SEPSECS: variants seen among roughly 807,000 people sequenced by gnomAD.
SEPSECS encodes Sep (O-phosphoserine) tRNA:Sec (selenocysteine) tRNA synthase.
A neutral mutation model predicts 52.1 loss-of-function variants in SEPSECS; 42 were observed. The ratio of observed to expected loss-of-function variants is 0.81; its 90% CI spans 0.63 to 1.04. The LOEUF is 1.04. Ranked by LOEUF, SEPSECS falls within the 50% of genes least tolerant of loss-of-function variation. SEPSECS has a pLI of 0.00. For synonymous variants in SEPSECS, 216 were observed against 211.4 expected, an observed-to-expected ratio of 1.02 and a Z score of -0.19; for missense variants, 590 against 610.6, an observed-to-expected ratio of 0.97 and a Z score of 0.36.
intron 8 of SEPSECS, among the ~76,000 whole-genome samples, chr4:25,140,745 G>A (rs1192134560): frequency 6.6e-6 from 1 of 152,094 alleles, no homozygotes; most frequent in East Asian, 1.9e-4. Flanking sequence ...TGTTAAGAAT[G>A]ATTTTTACAT....
At chr4:25,128,173 G>T (rs893155434) in intron 8 of SEPSECS, among the ~76,000 whole-genome samples, 1 of 151,998 alleles carries the variant, frequency 6.6e-6, no homozygotes, top group African/African-American at 2.4e-5. Flanking sequence ...AATGAATATT[G>T]CCTATTACTA....
intron 10 of SEPSECS, 129 bp from the exon 11 acceptor site, chr4:25,124,354 T>C (rs1728272972): frequency 1.6e-5 from 13 of 804,712 alleles, no homozygotes; most frequent in Middle Eastern, 6.0e-4. Context: ...CCACAAATCA[T>C]GGCCTACAAA....
chr4:25,128,015 G>A (rs2109487069), intron 8 of SEPSECS, among the ~76,000 whole-genome samples: 1 of 152,184 alleles, frequency 6.6e-6, no homozygotes, highest in South Asian at 2.1e-4. Context: ...AAATGCTAAA[G>A]ACACCTTCCT....
intron 1 of SEPSECS, 56 bp from the exon 2 acceptor site, chr4:25,159,163 A>G (rs1215468374): frequency 1.5e-5 from 20 of 1,370,176 alleles, no homozygotes; most frequent in Non-Finnish European, 2.0e-5. Context: ...GTTCTCTAGA[A>G]TACTACAGGA....
intron 2 of SEPSECS, among the ~76,000 whole-genome samples, 192 bp from the exon 3 acceptor site, chr4:25,157,166 G>A (rs980249432): frequency 3.9e-5 from 6 of 152,174 alleles, no homozygotes; most frequent in Non-Finnish European, 8.8e-5. Flanking sequence ...ATTATGCTGT[G>A]ATAGCTAGTT....
chr4:25,143,320 G>A (rs1054166360), intron 8 of SEPSECS, among the ~76,000 whole-genome samples: 3 of 152,044 alleles, frequency 2.0e-5, no homozygotes, highest in African/African-American at 4.8e-5. Context: ...GACATGAAAC[G>A]TTTCATCACC....
chr4:25,151,883 G>A, intron 6 of SEPSECS, 77 bp downstream of exon 6: 2 of 834,644 alleles, frequency 2.4e-6, no homozygotes, highest in Non-Finnish European at 4.2e-6. Flanking sequence ...ATATCAGATT[G>A]TAAGAAAAAG....
chr4:25,144,072 G>A (rs1452904701), intron 8 of SEPSECS, among the ~76,000 whole-genome samples: 3 of 151,680 alleles, frequency 2.0e-5, no homozygotes, highest in Admixed American at 6.6e-5. Context: ...CAGGCGTGGT[G>A]GGTAACGTCT....
rs563237574 is a variant in SEPSECS, at chr4:25,144,626, C to G, written c.1026+148G>C. On this transcript the variant is annotated intron_variant, in intron 8 of 10. Transcript: ENST00000382103. ...CTGACAAAAAGTAATAGGAAACCAC[C>G]TATGGTGGTTCCAGATCTGAATAAA... is the stretch of plus-strand genomic sequence containing the variant. 1.3e-5 allele frequency: 8 copies of G among 633,748 alleles called. No homozygotes were observed. The African/African-American group carries it at 1.5e-4, about 12-fold the overall frequency. 39.3% of individuals were successfully genotyped at this position (633,748 alleles called of 1,614,324 possible). A position where few individuals can be genotyped will look rare whatever the true frequency, so the allele number is the denominator to read the frequency against.
chr4:25,123,953 G>A lies in SEPSECS; in HGVS notation c.1484C>T (p.Thr495Ile), dbSNP rs745781240. 1.4e-5 allele frequency: 22 copies of A among 1,613,268 alleles called. No homozygotes were observed. The highest frequency in any genetic ancestry group is 1.3e-5 in the Non-Finnish European group (15 of 1,179,424). ...ALKLDNVLLD[T>I]YQDASS ...ATGTCATGAAGAAGCATCCTGGTAT[G>A]TGTCAAGAAGTACATTATCTAGTTT... Residue 495 changes from threonine to isoleucine, a missense_variant, in exon 11 of 11, where the codon ACA becomes ATA. Coordinates refer to ENST00000382103, the MANE Select transcript of SEPSECS (RefSeq NM_016955.4).
chr4:25,143,357 C>A (rs1293805745), intron 8 of SEPSECS, among the ~76,000 whole-genome samples: 1 of 152,166 alleles, frequency 6.6e-6, no homozygotes, highest in Non-Finnish European at 1.5e-5. Context: ...CCAATCCCTA[C>A]CCTTTAGCAA....
rs541713454 is a variant in SEPSECS, at chr4:25,156,663, G to A, written c.388+193C>T. Among the ~76,000 whole-genome samples, 8 of 128,262 alleles carry A rather than the reference G, an allele frequency of 6.2e-5. No homozygotes were observed. In the South Asian group the frequency reaches 7.6e-4, roughly 12 times the overall value. The allele number at this position is 128,262 out of a possible 152,430, so 84.1% of individuals were successfully genotyped here. ...ACGGAGCTTGCAGTGAGCCGAGATC[G>A]CGCCACTGCATTCCAGCCTGGGCAA... On this transcript the variant is annotated intron_variant, in intron 3 of 10. Transcript: ENST00000382103.
intron 8 of SEPSECS, among the ~76,000 whole-genome samples, chr4:25,132,895 T>A (rs908679882): frequency 6.6e-6 from 1 of 152,172 alleles, no homozygotes; most frequent in African/African-American, 2.4e-5. Flanking sequence ...GACTTTAGCA[T>A]CACACAGACC....
Position 25,124,206 on chromosome 4 carries a change from T to C in SEPSECS, c.1231A>G (p.Met411Val), listed in dbSNP as rs1285688043. ...AAAGTATAGCCACTCACAGTTTGCATGGACCCAAGAGGCACAACCCTGAAA... is the reference window on the plus strand; with the variant it reads ...AAAGTATAGCCACTCACAGTTTGCACGGACCCAAGAGGCACAACCCTGAAA... ...SGARVVPLGS[M>V]QTVSGYTFRG... The change falls in exon 11 of 11, where the codon ATG (methionine) becomes GTG (valine). Residue 411 changes from methionine (M) to valine (V), a missense_variant. Physicochemically the swap from Met to Val is conservative, Grantham distance 21. Transcript: ENST00000382103. 1 of 1,613,452 alleles carries C rather than the reference T, an allele frequency of 6.2e-7. No homozygotes were observed. The highest frequency in any genetic ancestry group is 1.1e-5 in the South Asian group (1 of 91,056).
At position 25,158,735 on chromosome 4, in the gene SEPSECS, C is replaced by A. The variant is rs191280650; in HGVS notation, c.269+218G>T. ...AGTCACCCAGAACCTGACAGGGTAA[C>A]CCCCACTTAGTTTTTACTCTATTGT... is the stretch of plus-strand genomic sequence containing the variant. On this transcript the variant is annotated intron_variant, in intron 2 of 10. Transcript: ENST00000382103. Among the ~76,000 whole-genome samples, 3 of 152,280 alleles carry A rather than the reference C, an allele frequency of 2.0e-5. No homozygotes were observed. In the East Asian group the frequency reaches 5.8e-4, roughly 29 times the overall value.
chr4:25,150,450 C>T lies in SEPSECS; in HGVS notation c.804+1510G>A, dbSNP rs1323519151. 2.6e-5 allele frequency among the ~76,000 whole-genome samples: 4 copies of T among 152,108 alleles called. No individual in the cohort carries two copies. In the South Asian group the frequency reaches 6.2e-4, roughly 24 times the overall value. ...GCAGTGAACAAAACAAAGTTCTACC[C>T]CAACAGAACCTTAATTCTAATCACT... On this transcript the variant is annotated intron_variant, in intron 6 of 10. Transcript: ENST00000382103.
intron 8 of SEPSECS, among the ~76,000 whole-genome samples, chr4:25,128,574 G>A: frequency 6.6e-6 from 1 of 151,848 alleles, no homozygotes; most frequent in East Asian, 1.9e-4. Flanking sequence ...AATGTCACAT[G>A]TATATAAGTG....
In SEPSECS at chr4:25,156,757, C is replaced by A. The variant is rs1392656296; in HGVS notation, c.388+99G>T. ...AAAAGAAGTCTTTTCAAAAGCCACTCATACTCTTTTTGGAAAGGGGCAATA... is the reference window on the plus strand; with the variant it reads ...AAAAGAAGTCTTTTCAAAAGCCACTAATACTCTTTTTGGAAAGGGGCAATA... On this transcript the variant is annotated intron_variant, in intron 3 of 10. Transcript: ENST00000382103. The A allele has an allele frequency of 2.3e-5, 13 of 553,974 alleles. No homozygotes were observed. In the East Asian group the frequency reaches 3.0e-4, roughly 13 times the overall value. The allele number at this position is 553,974 out of a possible 1,614,324, so 34.3% of individuals were successfully genotyped here. A position where few individuals can be genotyped will look rare whatever the true frequency, so the allele number is the denominator to read the frequency against.
At chr4:25,136,184 C>A (rs1284522062) in intron 8 of SEPSECS, among the ~76,000 whole-genome samples, 1 of 151,980 alleles carries the variant, frequency 6.6e-6, no homozygotes. Flanking sequence ...ATTCAACATA[C>A]CATTGGAAGT....
Sources: gnomAD v4.1 joint callset for allele counts (sites outside exome capture counted in the v4.1 genomes callset) on GRCh38, gnomAD v4.1.1 for gene constraint, MANE v1.5 for transcripts, NCBI Gene and HGNC (gene_info 2026-07-23, HGNC 2026-07-21) for gene names.